JAZF1: variants seen among roughly 807,000 people sequenced by gnomAD.
JAZF1 encodes the protein juxtaposed with another zinc finger protein 1.
In JAZF1, 8 loss-of-function variants were observed where a neutral mutation model predicts 26.4. The observed-to-expected ratio is 0.30, with a 90% CI of 0.18 to 0.55. JAZF1 has a LOEUF of 0.55. Ranked by LOEUF, JAZF1 falls within the 20% of genes least tolerant of loss-of-function variation. JAZF1 has a pLI of 0.94. For missense variants in JAZF1, 199 were observed against 322.0 expected (o/e 0.62, Z 2.92); for synonymous variants, 126 against 122.3 (o/e 1.03, Z -0.20).
intron 2 of JAZF1, among the ~76,000 whole-genome samples, chr7:27,960,763 C>T (rs553692904): frequency 1.1e-3 from 166 of 152,280 alleles, no homozygotes; most frequent in Non-Finnish European, 2.0e-3. Context: ...GGCTCAGGTC[C>T]GTGAGGCTCC....
chr7:27,934,224 T>C (rs1481027677), intron 2 of JAZF1, among the ~76,000 whole-genome samples: 1 of 152,164 alleles, frequency 6.6e-6, no homozygotes, highest in East Asian at 1.9e-4. Context: ...GAATTTCAAC[T>C]GAAGAAGCCA....
At chr7:28,056,435 T>TACACACACAC (rs3073772) in intron 1 of JAZF1, among the ~76,000 whole-genome samples, 72 of 98,198 alleles carry the variant, frequency 7.3e-4, no homozygotes, top group African/African-American at 2.0e-3. Context: ...TTTCAACAAC[T>TACACACACAC]ACACACACAC....
intron 2 of JAZF1, among the ~76,000 whole-genome samples, chr7:27,967,099 C>A (rs555495329): frequency 6.6e-6 from 1 of 152,270 alleles, no homozygotes; most frequent in East Asian, 1.9e-4. Context: ...TTATTATACA[C>A]ATATGTATCC....
intron 2 of JAZF1, among the ~76,000 whole-genome samples, chr7:27,976,660 T>A (rs1785478721): frequency 6.6e-6 from 1 of 151,508 alleles, no homozygotes; most frequent in African/African-American, 2.4e-5. Flanking sequence ...CTGTAATAAA[T>A]ATGACTGCTC....
At chr7:28,179,978 C>A (rs1163141492) in intron 1 of JAZF1, among the ~76,000 whole-genome samples, 2 of 134,342 alleles carry the variant, frequency 1.5e-5, no homozygotes, top group African/African-American at 5.4e-5. Flanking sequence ...CGAGCCGGGG[C>A]GGAAGCGCCC....
chr7:27,857,730 A>G (rs1436257840), intron 3 of JAZF1, among the ~76,000 whole-genome samples: 1 of 152,228 alleles, frequency 6.6e-6, no homozygotes, highest in Admixed American at 6.5e-5. Context: ...CTAGGTATTG[A>G]CGGATCATCT....
chr7:28,111,783 C>T (rs1784664825), intron 1 of JAZF1, among the ~76,000 whole-genome samples: 1 of 152,136 alleles, frequency 6.6e-6, no homozygotes, highest in African/African-American at 2.4e-5. Flanking sequence ...TGTGTGCATG[C>T]AGCATGCATG....
At chr7:27,835,844 C>T (rs762176963) in intron 4 of JAZF1, among the ~76,000 whole-genome samples, 4 of 151,998 alleles carry the variant, frequency 2.6e-5, no homozygotes, top group African/African-American at 9.7e-5. Context: ...AAATAATGGC[C>T]GGAAACCTGA....
At chr7:27,846,436 C>G (rs967415983) in intron 3 of JAZF1, 6 of 468,904 alleles carry the variant, frequency 1.3e-5, no homozygotes, top group Admixed American at 2.4e-5. Flanking sequence ...CACACAGATT[C>G]TTGGTGCATT....
At chr7:27,851,057 C>T (rs2128334126) in intron 3 of JAZF1, among the ~76,000 whole-genome samples, 1 of 152,264 alleles carries the variant, frequency 6.6e-6, no homozygotes, top group South Asian at 2.1e-4. Flanking sequence ...ATTCTCCTGC[C>T]TAAGCCTCCT....
intron 1 of JAZF1, among the ~76,000 whole-genome samples, chr7:28,083,697 C>T (rs1562581631): frequency 6.6e-6 from 1 of 152,116 alleles, no homozygotes; most frequent in Non-Finnish European, 1.5e-5. Flanking sequence ...CCTTAACCCA[C>T]AGGCCATCAG....
chr7:28,003,652 T>C (rs1160621646), intron 1 of JAZF1, among the ~76,000 whole-genome samples: 3 of 152,212 alleles, frequency 2.0e-5, no homozygotes. Context: ...AATGCAGATC[T>C]GTTCCCATTT....
At chr7:28,152,957 T>C (rs767818771) in intron 1 of JAZF1, among the ~76,000 whole-genome samples, 7 of 152,214 alleles carry the variant, frequency 4.6e-5, no homozygotes, top group African/African-American at 1.4e-4. Flanking sequence ...ACAGTGTAAA[T>C]TGGTGTTGCA....
intron 1 of JAZF1, among the ~76,000 whole-genome samples, chr7:28,034,499 C>CACACACACACACAG (rs1783251140): frequency 6.6e-6 from 1 of 151,314 alleles, no homozygotes; most frequent in Non-Finnish European, 1.5e-5. Flanking sequence ...CACACACACA[C>CACACACACACACAG]ACACTGATTT....
At chr7:27,850,427 C>T (rs1241568328) in intron 3 of JAZF1, among the ~76,000 whole-genome samples, 1 of 152,188 alleles carries the variant, frequency 6.6e-6, no homozygotes, top group East Asian at 1.9e-4. Context: ...GTTCTCCAAG[C>T]CAGAAGTAAT....
chr7:27,951,907 C>T (rs1317123237), intron 2 of JAZF1, among the ~76,000 whole-genome samples: 1 of 152,212 alleles, frequency 6.6e-6, no homozygotes, highest in African/African-American at 2.4e-5. Flanking sequence ...CTGAGCTGAG[C>T]CACAGGTTCT....
In JAZF1 at chr7:28,111,864, AT is replaced by A. The variant is rs368142194; in HGVS notation, c.115+68598del. ...TCTGTGCCTTGCAGCCAGGGTGATC[AT>A]TTCCCAGGTACAACCATATTTCTGC... On this transcript the variant is annotated intron_variant, in intron 1 of 4. Coordinates refer to ENST00000283928, the MANE Select transcript of JAZF1 (RefSeq NM_175061.4). Among the ~76,000 whole-genome samples the A allele has an allele frequency of 1.9e-4, 29 of 152,304 alleles. No homozygotes were observed. The East Asian group carries it at 5.2e-3, about 27-fold the overall frequency.
intron 1 of JAZF1, chr7:28,180,254 G>T: frequency 8.0e-6 from 1 of 124,664 alleles, no homozygotes; most frequent in African/African-American, 3.0e-5. Flanking sequence ...GCACCTCGGG[G>T]CGCCCGCCCC....
intron 3 of JAZF1, among the ~76,000 whole-genome samples, chr7:27,883,088 A>G (rs1182036366): frequency 6.6e-6 from 1 of 152,150 alleles, no homozygotes; most frequent in African/African-American, 2.4e-5. Context: ...GCACTGATGG[A>G]TGTTGGCATA....
Sources: allele counts gnomAD v4.1 joint callset (sites outside exome capture counted in the v4.1 genomes callset), GRCh38; gene constraint gnomAD v4.1.1; transcripts MANE v1.5; gene names NCBI Gene and HGNC (gene_info 2026-07-23, HGNC 2026-07-21).